The following PTPRD variants were observed in gnomAD, a reference collection of about 807,000 sequenced individuals.
The protein encoded by PTPRD is receptor-type tyrosine-protein phosphatase delta.
PTPRD carries 34 observed loss-of-function variants against 214.5 expected under a neutral mutation model. That is an observed-to-expected ratio of 0.16 (90% CI 0.12 to 0.21). The LOEUF (loss-of-function observed/expected upper bound fraction) is 0.21, where lower values mean the gene tolerates loss of function less well. Among genes scored for constraint, PTPRD ranks in the 10% least tolerant of loss-of-function variants. The probability of loss-of-function intolerance (pLI) is 1.00; values close to 1 mark genes in which losing one functional copy is unlikely to be tolerated. For synonymous variants in PTPRD, 1,128 were observed against 845.7 expected (o/e 1.33, Z -5.79); for missense variants, 2,545 against 2,398.7 (o/e 1.06, Z -1.27).
intron 7 of PTPRD, among the ~76,000 whole-genome samples, chr9:9,667,720 C>A (rs1280723932): frequency 6.6e-6 from 1 of 152,118 alleles, no homozygotes; most frequent in Non-Finnish European, 1.5e-5. Flanking sequence ...GGTCACCAAG[C>A]ATTAGCGTAC....
intron 8 of PTPRD, among the ~76,000 whole-genome samples, chr9:9,501,415 TAA>T (rs2096409162): frequency 6.6e-6 from 1 of 151,858 alleles, no homozygotes; most frequent in Non-Finnish European, 1.5e-5. Flanking sequence ...TCAATTCACA[TAA>T]AGACATAACA....
At chr9:8,749,825 G>A (rs1249978563) in intron 11 of PTPRD, among the ~76,000 whole-genome samples, 1 of 152,122 alleles carries the variant, frequency 6.6e-6, no homozygotes, top group African/African-American at 2.4e-5. Flanking sequence ...GGTCCGGCTG[G>A]GTGCGGTGGC....
chr9:10,560,534 T>C (rs1323509736), intron 2 of PTPRD, among the ~76,000 whole-genome samples: 1 of 152,094 alleles, frequency 6.6e-6, no homozygotes, highest in African/African-American at 2.4e-5. Context: ...ATTGTGCACA[T>C]GTACCCTAAA....
chr9:9,100,816 C>T (rs1207124895), intron 10 of PTPRD, among the ~76,000 whole-genome samples: 1 of 151,882 alleles, frequency 6.6e-6, no homozygotes, highest in African/African-American at 2.4e-5. Context: ...TATATAGTAC[C>T]TAATTTTAAG....
rs1231488352 is a variant in PTPRD at position 9,468,408 on chromosome 9, T to A, written c.-236-70926A>T. 2.6e-5 allele frequency among the ~76,000 whole-genome samples: 4 copies of A among 152,242 alleles called. No individual in the cohort carries two copies. In the East Asian group the frequency reaches 7.7e-4, roughly 29 times the overall value. ...CTTTGTATAGATATGTGCATTTAGTTATATCTGTAAACACATACACAAGTA... is the reference window on the plus strand; with the variant it reads ...CTTTGTATAGATATGTGCATTTAGTAATATCTGTAAACACATACACAAGTA... On this transcript the variant is annotated intron_variant, in intron 8 of 45. Transcript: ENST00000381196.
intron 9 of PTPRD, among the ~76,000 whole-genome samples, chr9:9,228,790 T>C (rs560751295): frequency 1.3e-5 from 2 of 152,152 alleles, no homozygotes; most frequent in Non-Finnish European, 2.9e-5. Flanking sequence ...TTTCTTTTCC[T>C]TTTCCCTTGT....
chr9:8,428,089 A>C (rs922463603), intron 35 of PTPRD, among the ~76,000 whole-genome samples: 3 of 152,178 alleles, frequency 2.0e-5, no homozygotes, highest in African/African-American at 7.2e-5. Flanking sequence ...GCTTAAGGTC[A>C]CACAGTTTGA....
At chr9:10,257,532 A>G (rs933267335) in intron 3 of PTPRD, among the ~76,000 whole-genome samples, 1 of 152,240 alleles carries the variant, frequency 6.6e-6, no homozygotes, top group African/African-American at 2.4e-5. Flanking sequence ...GAGTAATGAT[A>G]AGAATATCAC....
chr9:10,377,412 G>T (rs1598454422), intron 2 of PTPRD, among the ~76,000 whole-genome samples: 1 of 151,812 alleles, frequency 6.6e-6, no homozygotes, highest in South Asian at 2.1e-4. Flanking sequence ...TTTATATTAG[G>T]TATATCTCCT....
chr9:10,557,179 A>G (rs973351102), intron 2 of PTPRD, among the ~76,000 whole-genome samples: 1 of 152,152 alleles, frequency 6.6e-6, no homozygotes, highest in Non-Finnish European at 1.5e-5. Flanking sequence ...TAAGGAAACA[A>G]AAAACATGGG....
intron 3 of PTPRD, among the ~76,000 whole-genome samples, chr9:10,050,736 T>C (rs2154153496): frequency 6.6e-6 from 1 of 152,138 alleles, no homozygotes; most frequent in East Asian, 1.9e-4. Flanking sequence ...TCCATGGAAC[T>C]CTCCCAAATG....
chr9:9,519,363 AAC>A (rs2096910617), intron 8 of PTPRD, among the ~76,000 whole-genome samples: 1 of 5,398 alleles, frequency 1.9e-4, no homozygotes, highest in Non-Finnish European at 0.014. Flanking sequence ...AAATAAATGA[AAC>A]AAAAAAAACC....
intron 11 of PTPRD, among the ~76,000 whole-genome samples, chr9:8,951,158 T>TGTGTGTGTG (rs2099099843): frequency 1.3e-5 from 2 of 150,092 alleles, no homozygotes; most frequent in Admixed American, 6.7e-5. Flanking sequence ...TGTGTGTGTG[T>TGTGTGTGTG]AAGAGAGAGA....
chr9:9,329,916 A>G (rs1184511214), intron 9 of PTPRD, among the ~76,000 whole-genome samples: 1 of 152,164 alleles, frequency 6.6e-6, no homozygotes, highest in African/African-American at 2.4e-5. Context: ...CTAGGGCCCT[A>G]CCTTCTCAGT....
intron 44 of PTPRD, among the ~76,000 whole-genome samples, chr9:8,321,635 T>C (rs556155626): frequency 1.3e-3 from 203 of 151,102 alleles, no homozygotes; most frequent in South Asian, 3.3e-3. Flanking sequence ...TATGTACCTA[T>C]ACATATAAGG....
intron 14 of PTPRD, among the ~76,000 whole-genome samples, chr9:8,569,935 C>G (rs529639705): frequency 3.3e-5 from 5 of 152,172 alleles, no homozygotes; most frequent in African/African-American, 7.2e-5. Flanking sequence ...AAATACAGAG[C>G]AGATATCAAC....
intron 5 of PTPRD, among the ~76,000 whole-genome samples, chr9:9,880,517 A>G (rs1270375090): frequency 1.3e-5 from 2 of 152,294 alleles, no homozygotes; most frequent in East Asian, 3.9e-4. Flanking sequence ...TAAAATTATC[A>G]TATATAATCT....
intron 5 of PTPRD, among the ~76,000 whole-genome samples, chr9:9,767,198 A>C (rs1215771281): frequency 2.6e-5 from 4 of 152,056 alleles, no homozygotes; most frequent in Non-Finnish European, 4.4e-5. Flanking sequence ...CTTTTCAAAA[A>C]TGCTACATGA....
intron 11 of PTPRD, among the ~76,000 whole-genome samples, chr9:8,827,715 T>TA (rs1401749594): frequency 1.3e-5 from 2 of 152,216 alleles, no homozygotes; most frequent in Non-Finnish European, 2.9e-5. Flanking sequence ...GAGCATGCCT[T>TA]TAACCTATAG....
Sources: gnomAD v4.1 joint callset for allele counts (sites outside exome capture counted in the v4.1 genomes callset) on GRCh38, gnomAD v4.1.1 for gene constraint, MANE v1.5 for transcripts, NCBI Gene and HGNC (gene_info 2026-07-23, HGNC 2026-07-21) for gene names.